GOLGA4: variants seen among roughly 807,000 people sequenced by gnomAD.
GOLGA4 encodes golgin subfamily A member 4.
In GOLGA4, 169 loss-of-function variants were observed where a neutral mutation model predicts 265.9. The observed-to-expected ratio is 0.64, with a 90% CI of 0.56 to 0.72. The LOEUF (loss-of-function observed/expected upper bound fraction) is 0.72. Among genes scored for constraint, GOLGA4 ranks in the 30% least tolerant of loss-of-function variants. GOLGA4 has a pLI of 0.00. For missense variants in GOLGA4, 2,482 were observed against 2,483.4 expected (o/e 1.00, Z 0.01); for synonymous variants, 923 against 855.8 (o/e 1.08, Z -1.37).
chr3:37,285,395 G>T (rs545548584), intron 3 of GOLGA4, among the ~76,000 whole-genome samples: 1 of 152,202 alleles, frequency 6.6e-6, no homozygotes, highest in South Asian at 2.1e-4. Context: ...ATCCTGTTTA[G>T]GTTAAATGGT....
At chr3:37,290,487 A>C (rs1040663503) in intron 5 of GOLGA4, among the ~76,000 whole-genome samples, 3 of 152,126 alleles carry the variant, frequency 2.0e-5, no homozygotes, top group Non-Finnish European at 4.4e-5. Context: ...ACAATTCCCA[A>C]ATAAATTCTT....
intron 10 of GOLGA4, among the ~76,000 whole-genome samples, chr3:37,304,958 A>G (rs1182304986): frequency 6.6e-6 from 1 of 152,126 alleles, no homozygotes; most frequent in African/African-American, 2.4e-5. Context: ...TAAGATTTAA[A>G]TTATTATTAC....
intron 2 of GOLGA4, 47 bp downstream of exon 2, chr3:37,251,531 T>A (rs763233911): frequency 8.6e-7 from 1 of 1,158,546 alleles, no homozygotes; most frequent in East Asian, 2.4e-5. Context: ...AAGAAACTAA[T>A]CTAAAATGTA....
Position 37,302,250 on chromosome 3 carries a change from T to C in GOLGA4, c.1152T>C (p.Ile384=), listed in dbSNP as rs749789355. The C allele has an allele frequency of 1.2e-6, 2 of 1,612,814 alleles. No homozygotes were observed. The highest frequency in any genetic ancestry group is 1.7e-5 in the Admixed American group (1 of 60,006). ...CCCTGGAAATGAAAGAAGAAGAAAT[T>C]GCTCAACTCCGTAGTCGCATCAAAC... ...HETLEMKEEE[I]AQLRSRIKQM... The change falls in exon 10 of 24, where the codon ATT becomes ATC. Residue 384 remains isoleucine, a synonymous_variant. Coordinates refer to ENST00000361924, the MANE Select transcript of GOLGA4 (RefSeq NM_002078.5).
At chr3:37,270,881 A>G (rs1414344907) in intron 2 of GOLGA4, among the ~76,000 whole-genome samples, 2 of 151,974 alleles carry the variant, frequency 1.3e-5, no homozygotes, top group Non-Finnish European at 2.9e-5. Flanking sequence ...TAATGAAGTA[A>G]TTATATAACT....
intron 10 of GOLGA4, among the ~76,000 whole-genome samples, chr3:37,314,753 A>G (rs1403403624): frequency 6.6e-6 from 1 of 151,998 alleles, no homozygotes; most frequent in Admixed American, 6.6e-5. Context: ...ATCTTACCCA[A>G]AAACTCCCTG....
Position 37,315,416 on chromosome 3 carries a change from A to G in GOLGA4, c.1235-4A>G, listed in dbSNP as rs748407585. On this transcript the variant is annotated splice_polypyrimidine_tract_variant and splice_region_variant and intron_variant, in intron 10 of 23. Transcript: ENST00000361924. ...ATACTTGTTTTCTGTTGTTTTCATT[A>G]TAGCTTTTGAGGAACTTGAAAAAGC... The G allele has an allele frequency of 1.8e-5, 29 of 1,607,470 alleles. No homozygotes were observed. Among genetic ancestry groups the G allele is most frequent in the Non-Finnish European group, 2.5e-5 (29 of 1,177,604 alleles).
At position 37,276,314 on chromosome 3, in the gene GOLGA4, A is replaced by G. The variant is rs892973535; in HGVS notation, c.163-5644A>G. 28 of 1,603,168 alleles carry G rather than the reference A, an allele frequency of 1.7e-5. No homozygotes were observed. The African/African-American group carries it at 3.6e-4, about 21-fold the overall frequency. ...AGATGCAAAAAATCCAAATTTAAGG[A>G]AAAATGTCCTCTGTGGGAATATTCC... On this transcript the variant is annotated intron_variant, in intron 2 of 23. Coordinates refer to ENST00000361924, the MANE Select transcript of GOLGA4 (RefSeq NM_002078.5).
chr3:37,274,329 G>A (rs1439039760), intron 2 of GOLGA4, among the ~76,000 whole-genome samples: 1 of 151,884 alleles, frequency 6.6e-6, no homozygotes, highest in Non-Finnish European at 1.5e-5. Flanking sequence ...ATTTTAAAAA[G>A]TTATTTATAA....
At chr3:37,340,057 ATCTT>A (rs964382980) in intron 19 of GOLGA4, 63 bp from the exon 20 acceptor site, 2 of 699,196 alleles carry the variant, frequency 2.9e-6, no homozygotes, top group Non-Finnish European at 5.1e-6. Flanking sequence ...GGTGACAGCA[ATCTT>A]TCTTTTTCTT....
intron 1 of GOLGA4, chr3:37,249,580 T>C (rs1158896183): frequency 2.0e-5 from 3 of 152,180 alleles, no homozygotes; most frequent in African/African-American, 7.2e-5. Flanking sequence ...GTTCATGTTT[T>C]TAAGTCCTTA....
chr3:37,311,120 G>A (rs2096922067), intron 10 of GOLGA4, among the ~76,000 whole-genome samples: 1 of 152,150 alleles, frequency 6.6e-6, no homozygotes, highest in Non-Finnish European at 1.5e-5. Context: ...TTTCTGGGTA[G>A]TAAGTAAACT....
chr3:37,276,218 A>G (rs930760629), intron 2 of GOLGA4: 50 of 1,562,528 alleles, frequency 3.2e-5, no homozygotes, highest in South Asian at 2.0e-4. Context: ...TGAAGAAGCT[A>G]TATATCAAGA....
At position 37,277,779 on chromosome 3, in the gene GOLGA4, A is replaced by G. The variant is rs578241607; in HGVS notation, c.163-4179A>G. Among the ~76,000 whole-genome samples the G allele has an allele frequency of 4.1e-4, 63 of 152,088 alleles. No individual in the cohort carries two copies. In the East Asian group the frequency reaches 9.8e-3, roughly 24 times the overall value. On this transcript the variant is annotated intron_variant, in intron 2 of 23. Coordinates refer to ENST00000361924, the MANE Select transcript of GOLGA4 (RefSeq NM_002078.5). ...TTTTGACATAGGTTCCCTAGGGTAC[A>G]CTTGCTCTAGCATACTTTAAAGGCC...
intron 5 of GOLGA4, 114 bp downstream of exon 5, chr3:37,289,405 AC>A: frequency 1.6e-6 from 1 of 638,706 alleles, no homozygotes; most frequent in South Asian, 2.3e-5. Flanking sequence ...CTAATAACTA[AC>A]CAGTCCAGCC....
chr3:37,266,142 C>G (rs1272568308), intron 2 of GOLGA4, among the ~76,000 whole-genome samples: 1 of 151,362 alleles, frequency 6.6e-6, no homozygotes. Context: ...GAAACTATGT[C>G]CTGTCATGTA....
At chr3:37,301,579 G>C (rs965401165) in intron 9 of GOLGA4, among the ~76,000 whole-genome samples, 2 of 152,116 alleles carry the variant, frequency 1.3e-5, no homozygotes, top group African/African-American at 4.8e-5. Context: ...TAGCACATTT[G>C]TAGAAAGGCT....
chr3:37,257,642 T>C (rs913498443), intron 2 of GOLGA4, among the ~76,000 whole-genome samples: 1 of 151,762 alleles, frequency 6.6e-6, no homozygotes, highest in East Asian at 1.9e-4. Flanking sequence ...ACAGATGTAC[T>C]ATTATGTGGA....
chr3:37,327,300 A>C lies in GOLGA4; in HGVS notation c.5414A>C (p.Asn1805Thr), dbSNP rs758888094. The change falls in exon 14 of 24, where the codon AAC (asparagine) becomes ACC (threonine). Residue 1805 changes from asparagine to threonine, a missense_variant. By Grantham distance (65) the Asn-to-Thr change is moderately conservative. Coordinates refer to ENST00000361924, the MANE Select transcript of GOLGA4 (RefSeq NM_002078.5). ...GHLQEELEEKNKKYSLIVAQH... is the reference protein window; with the variant it reads ...GHLQEELEEKTKKYSLIVAQH... ...CTTCAAGAGGAGCTTGAAGAAAAAA[A>C]CAAGAAATATTCCTTGATAGTAGCC... is the stretch of plus-strand genomic sequence containing the variant. The C allele has an allele frequency of 4.0e-5, 65 of 1,613,666 alleles. 1 individual carries two copies. In the East Asian group the frequency reaches 1.4e-3, roughly 34 times the overall value.
Sources: allele counts gnomAD v4.1 joint callset (sites outside exome capture counted in the v4.1 genomes callset), GRCh38; gene constraint gnomAD v4.1.1; transcripts MANE v1.5; gene names NCBI Gene and HGNC (gene_info 2026-07-23, HGNC 2026-07-21).